MPP4: variants seen among roughly 807,000 people sequenced by gnomAD.
MPP4 encodes the protein MAGUK p55 scaffold protein 4.
A neutral mutation model predicts 98.3 loss-of-function variants in MPP4; 91 were observed. The ratio of observed to expected loss-of-function variants is 0.93; its 90% CI spans 0.78 to 1.10. MPP4 has a LOEUF of 1.10. Ranked by LOEUF, MPP4 falls within the 50% of genes least tolerant of loss-of-function variation. MPP4 has a pLI of 0.00. For missense variants in MPP4, 744 were observed against 792.9 expected (o/e 0.94, Z 0.74); for synonymous variants, 261 against 271.8 (o/e 0.96, Z 0.39).
In MPP4 at chr2:201,649,365, G is replaced by T. The variant is rs893153967; in HGVS notation, c.1584+211C>A. ...TCTTTGTGACCACTCAATCAGTTCT[G>T]CTTTTCTGTCTGAGAAGCAAGACTT... On this transcript the variant is annotated intron_variant, in intron 20 of 21. Transcript: ENST00000409474. 2.6e-5 allele frequency among the ~76,000 whole-genome samples: 4 copies of T among 152,268 alleles called. 1 individual carries two copies. The South Asian group carries it at 8.3e-4, about 32-fold the overall frequency.
intron 12 of MPP4, among the ~76,000 whole-genome samples, chr2:201,669,120 G>T (rs1406366517): frequency 2.1e-5 from 1 of 48,754 alleles, no homozygotes; most frequent in African/African-American, 4.6e-5. Flanking sequence ...GTGTGTGTGT[G>T]TGAGAGAGAG....
intron 16 of MPP4, among the ~76,000 whole-genome samples, chr2:201,657,590 G>GTTTTTTTTTTTTTTTTTTATT: frequency 1.1e-5 from 1 of 91,128 alleles, no homozygotes. Context: ...CCTGGCCCTT[G>GTTTTTTTTTTTTTTTTTTATT]TTTTTTTTTT....
chr2:201,660,515 G>A (rs1687996276), intron 14 of MPP4, among the ~76,000 whole-genome samples, 169 bp from the exon 15 acceptor site: 1 of 152,164 alleles, frequency 6.6e-6, no homozygotes, highest in African/African-American at 2.4e-5. Flanking sequence ...ACATGATTGG[G>A]ACTGAGAAAC....
intron 16 of MPP4, 73 bp downstream of exon 16, chr2:201,658,404 C>G (rs533571245): frequency 1.5e-6 from 2 of 1,328,012 alleles, no homozygotes; most frequent in African/African-American, 1.5e-5. Flanking sequence ...AAGAAACTTT[C>G]AAAACAGTGT....
Position 201,662,812 on chromosome 2 carries a change from C to CA in MPP4, c.1072+1268dup, listed in dbSNP as rs1480190680. On this transcript the variant is annotated intron_variant, in intron 14 of 21. Coordinates refer to ENST00000409474, the MANE Select transcript of MPP4 (RefSeq NM_033066.3). The stretch of plus-strand genomic sequence containing the variant: ...ATAATATGCCAAAGCAATTAGAGAC[C>CA]AATGAAATGGGAGAAAATGAGGAAA... 3.3e-5 allele frequency among the ~76,000 whole-genome samples: 5 copies of CA among 152,046 alleles called. No homozygotes were observed. In the East Asian group the frequency reaches 9.7e-4, roughly 29 times the overall value.
rs924883866 is a variant in MPP4, at chr2:201,654,906, C to T, written c.1312G>A (p.Val438Ile). Residue 438 changes from valine to isoleucine, a missense_variant, in exon 18 of 22, where the codon GTT (valine) becomes ATT (isoleucine). Transcript: ENST00000409474. ...TGTCTTCTGAGCTCATTTACTCCAA[C>T]ACCAGAGGGTCCTAAACACAAAAAG... ...RLIVLMGPSG[V>I]GVNELRRQLI... 2 of 1,602,480 alleles carry T rather than the reference C, an allele frequency of 1.2e-6. No homozygotes were observed. The highest frequency in any genetic ancestry group is 1.7e-5 in the Admixed American group (1 of 58,392).
At chr2:201,660,296 T>TTAGG (rs1687988255) in intron 15 of MPP4, 36 bp downstream of exon 15, 1 of 1,567,058 alleles carries the variant, frequency 6.4e-7, no homozygotes, top group Non-Finnish European at 8.8e-7. Flanking sequence ...TTAAACATAG[T>TTAGG]TCTATTTGGT....
chr2:201,673,808 G>A (rs1335760534), intron 11 of MPP4, among the ~76,000 whole-genome samples: 1 of 152,212 alleles, frequency 6.6e-6, no homozygotes, highest in Non-Finnish European at 1.5e-5. Context: ...TAAAGTGGGT[G>A]AGGCTTGCCC....
At chr2:201,666,188 C>T in intron 13 of MPP4, 146 bp downstream of exon 13, 1 of 566,252 alleles carries the variant, frequency 1.8e-6, no homozygotes, top group Non-Finnish European at 3.0e-6. Flanking sequence ...GCCAGAACTA[C>T]AGAAGATAGA....
In MPP4 at chr2:201,681,552, T is replaced by C. The variant is rs755114041; in HGVS notation, c.676A>G (p.Thr226Ala). Reference protein sequence around the residue: ...VIHILAMSRGTIMFKVVPVSD... With the variant: ...VIHILAMSRGAIMFKVVPVSD... ...ACTGGAACCACCTTGAACATGATTG[T>C]GCCTCGAGACATGGCCTGGAAAATA... is the stretch of plus-strand genomic sequence containing the variant. Residue 226 changes from threonine to alanine, a missense_variant, in exon 9 of 22, where the codon ACA becomes GCA. Thr to Ala is a moderately conservative substitution (Grantham distance 58, BLOSUM62 0). Transcript: ENST00000409474. 9 of 1,613,470 alleles carry C rather than the reference T, an allele frequency of 5.6e-6. No homozygotes were observed. Among genetic ancestry groups the C allele is most frequent in the Admixed American group, 1.7e-5 (1 of 59,974 alleles).
intron 10 of MPP4, among the ~76,000 whole-genome samples, chr2:201,677,869 C>T (rs559333870): frequency 2.0e-5 from 3 of 152,294 alleles, no homozygotes; most frequent in African/African-American, 4.8e-5. Flanking sequence ...GAGATACTGA[C>T]TTCTCAAAAG....
At chr2:201,698,006 T>A in intron 1 of MPP4, 3 of 985,400 alleles carry the variant, frequency 3.0e-6, no homozygotes, top group Non-Finnish European at 3.6e-6. Context: ...GAGTGAGAAT[T>A]CTTGATTGAG....
Position 201,645,188 on chromosome 2 carries a change from C to T in MPP4, c.*22G>A, listed in dbSNP as rs780537692. 1.7e-5 allele frequency: 27 copies of T among 1,599,514 alleles called. No homozygotes were observed. Among genetic ancestry groups the T allele is most frequent in the Non-Finnish European group, 2.2e-5 (26 of 1,172,552 alleles). On this transcript the variant is annotated 3_prime_UTR_variant, in exon 22 of 22. Coordinates refer to ENST00000409474, the MANE Select transcript of MPP4 (RefSeq NM_033066.3). Reference sequence around the variant, plus strand: ...CTGTATCAAGGGTACAGTGTTAAAACTCCAGCATTAAACAAGAAGTCTCAT... The same window carrying T: ...CTGTATCAAGGGTACAGTGTTAAAATTCCAGCATTAAACAAGAAGTCTCAT...
chr2:201,682,984 T>C lies in MPP4; in HGVS notation c.575-68A>G, dbSNP rs1365842921. ...TAGGATAAAAATAGCAGTAGCTACC[T>C]CGATAGCTATTTAACTCACTAACCC... is the stretch of plus-strand genomic sequence containing the variant. On this transcript the variant is annotated intron_variant, in intron 7 of 21. Transcript: ENST00000409474. 4.3e-6 allele frequency: 5 copies of C among 1,166,340 alleles called. No homozygotes were observed. In the South Asian group the frequency reaches 6.2e-5, roughly 14 times the overall value. 72.2% of individuals were successfully genotyped at this position (1,166,340 alleles called of 1,614,324 possible).
chr2:201,690,349 T>C (rs774964818), intron 3 of MPP4, 70 bp from the exon 4 acceptor site: 5 of 1,078,726 alleles, frequency 4.6e-6, no homozygotes, highest in Non-Finnish European at 6.9e-6. Context: ...TTTAAGACTC[T>C]CAAAGAGAAG....
chr2:201,661,641 T>G (rs1688029668), intron 14 of MPP4: 2 of 454,956 alleles, frequency 4.4e-6, no homozygotes, highest in Middle Eastern at 1.1e-3. Context: ...AACACTTGTG[T>G]AGCACTTCCT....
Position 201,656,210 on chromosome 2 carries a change from T to C in MPP4, c.1288A>G (p.Ile430Val), listed in dbSNP as rs1234432201. 2 of 1,604,764 alleles carry C rather than the reference T, an allele frequency of 1.2e-6. No homozygotes were observed. The highest frequency in any genetic ancestry group is 4.5e-5 in the East Asian group (2 of 44,654). Residue 430 changes from isoleucine (I) to valine (V), a missense_variant, in exon 17 of 22, where the codon ATA becomes GTA. By Grantham distance (29) the Ile-to-Val change is conservative (BLOSUM62 3). Coordinates refer to ENST00000409474, the MANE Select transcript of MPP4 (RefSeq NM_033066.3). ...TGCTGGGACATACCCATGAGCACTA[T>C]GAGGCGGTACTTGTCTGAAGGGCGT... ...QRRPSDKYRL[I>V]VLMGPSGVGV...
chr2:201,663,466 C>T (rs141525128), intron 14 of MPP4, among the ~76,000 whole-genome samples: 43 of 152,260 alleles, frequency 2.8e-4, no homozygotes, highest in Middle Eastern at 3.4e-3. Flanking sequence ...GGTGTGGTGG[C>T]TCACTTTGGG....
intron 14 of MPP4, chr2:201,661,387 T>C (rs1403666752): frequency 2.2e-6 from 1 of 456,496 alleles, no homozygotes; most frequent in Non-Finnish European, 4.4e-6. Context: ...TTAAGCATCA[T>C]GGAATGAATG....
Sources: allele counts gnomAD v4.1 joint callset (sites outside exome capture counted in the v4.1 genomes callset), GRCh38; gene constraint gnomAD v4.1.1; transcripts MANE v1.5; gene names NCBI Gene and HGNC (gene_info 2026-07-23, HGNC 2026-07-21).